ERBB4: variants seen among roughly 807,000 people sequenced by gnomAD.
ERBB4 encodes the protein erb-b2 receptor tyrosine kinase 4.
Under a neutral mutation model 158.0 loss-of-function variants are expected in ERBB4, and 42 were observed. That is an observed-to-expected ratio of 0.27 (90% confidence interval 0.21 to 0.34). The LOEUF is 0.34. Ranked by LOEUF, ERBB4 falls within the 10% of genes least tolerant of loss-of-function variation. ERBB4 has a pLI of 1.00. For synonymous variants in ERBB4, 583 were observed against 558.7 expected, an observed-to-expected ratio of 1.04 and a Z score of -0.61; for missense variants, 1,333 against 1,624.1, an observed-to-expected ratio of 0.82 and a Z score of 3.08.
intron 1 of ERBB4, among the ~76,000 whole-genome samples, chr2:212,416,078 G>A (rs546547075): frequency 6.6e-6 from 1 of 152,086 alleles, no homozygotes; most frequent in Admixed American, 6.6e-5. Flanking sequence ...CCATGAATGG[G>A]ACCATCAACA....
intron 2 of ERBB4, among the ~76,000 whole-genome samples, chr2:212,006,867 G>A (rs960824): frequency 0.61 from 92,611 of 151,822 alleles, 30,985 homozygotes; most frequent in East Asian, 0.93. Context: ...GATTTAAGCT[G>A]GACATCCCTT....
At chr2:211,426,304 T>C (rs147535946) in intron 22 of ERBB4, among the ~76,000 whole-genome samples, 130 of 152,302 alleles carry the variant, frequency 8.5e-4, no homozygotes, top group African/African-American at 3.0e-3. Flanking sequence ...TCCTTTATCT[T>C]AAGATGTATA....
At chr2:211,917,521 C>T (rs982983552) in intron 3 of ERBB4, among the ~76,000 whole-genome samples, 2 of 152,102 alleles carry the variant, frequency 1.3e-5, no homozygotes, top group Non-Finnish European at 2.9e-5. Context: ...GTTCAATGCC[C>T]AACAGTAAAT....
At chr2:212,024,990 A>G (rs1328115474) in intron 2 of ERBB4, among the ~76,000 whole-genome samples, 1 of 151,786 alleles carries the variant, frequency 6.6e-6, no homozygotes, top group African/African-American at 2.4e-5. Context: ...GGCTACCAGT[A>G]CCTCCTTTAA....
At chr2:211,870,580 C>A (rs1382231349) in intron 3 of ERBB4, among the ~76,000 whole-genome samples, 4 of 152,012 alleles carry the variant, frequency 2.6e-5, no homozygotes, top group Non-Finnish European at 4.4e-5. Context: ...TTCTAATAGA[C>A]CATAAATCAC....
At chr2:211,819,933 A>G (rs945505679) in intron 3 of ERBB4, among the ~76,000 whole-genome samples, 1 of 151,924 alleles carries the variant, frequency 6.6e-6, no homozygotes, top group Non-Finnish European at 1.5e-5. Context: ...TCCATGCATC[A>G]CACTTAAATA....
At chr2:211,574,044 T>C (rs535349012) in intron 19 of ERBB4, among the ~76,000 whole-genome samples, 14 of 152,326 alleles carry the variant, frequency 9.2e-5, no homozygotes, top group African/African-American at 2.6e-4. Context: ...CAGTGCCTAG[T>C]AGATACTTAA....
rs577885418 is a variant in ERBB4 at position 212,034,715 on chromosome 2, T to C, written c.235-87099A>G. Among the ~76,000 whole-genome samples, 512 of 152,272 alleles carry C rather than the reference T, an allele frequency of 3.4e-3. 2 individuals are homozygous for C. Among genetic ancestry groups the C allele is most frequent in the Non-Finnish European group, 5.7e-3 (389 of 67,988 alleles). ...CAAATGTTAGTTTCTTTTTTATCCA[T>C]ATAGTCAAGATTCTTTAGCCTTTTT... On this transcript the variant is annotated intron_variant, in intron 2 of 27. Transcript: ENST00000342788.
chr2:211,716,639 G>A (rs1178789323), intron 7 of ERBB4, among the ~76,000 whole-genome samples: 3 of 151,912 alleles, frequency 2.0e-5, no homozygotes, highest in Non-Finnish European at 4.4e-5. Flanking sequence ...TTGCGCCACT[G>A]CATTCCGGCC....
intron 3 of ERBB4, among the ~76,000 whole-genome samples, chr2:211,816,777 A>G (rs1232370979): frequency 6.6e-6 from 1 of 152,090 alleles, no homozygotes; most frequent in Non-Finnish European, 1.5e-5. Context: ...CTGAACAAAT[A>G]ATCAAAAAGT....
chr2:211,442,377 G>A (rs965045382), intron 20 of ERBB4, among the ~76,000 whole-genome samples: 6 of 115,802 alleles, frequency 5.2e-5, no homozygotes, highest in Non-Finnish European at 1.1e-4. Flanking sequence ...TTTATCTATA[G>A]ACAGGTATCT....
chr2:212,382,911 C>A lies in ERBB4; in HGVS notation c.82+155538G>T, dbSNP rs2090556292. 2.0e-5 allele frequency among the ~76,000 whole-genome samples: 3 copies of A among 151,132 alleles called. No homozygotes were observed. The Admixed American group carries it at 2.0e-4, about 10-fold the overall frequency. ...CATTCAGGACTTGGTATCTTACTTA[C>A]AATATTATAACCCTTTTAAATATTG... On this transcript the variant is annotated intron_variant, in intron 1 of 27. Transcript: ENST00000342788.
At chr2:211,964,209 A>G (rs1255245729) in intron 2 of ERBB4, among the ~76,000 whole-genome samples, 1 of 152,190 alleles carries the variant, frequency 6.6e-6, no homozygotes, top group Non-Finnish European at 1.5e-5. Flanking sequence ...CATTAACACA[A>G]GTGACATCAA....
intron 14 of ERBB4, among the ~76,000 whole-genome samples, chr2:211,670,273 G>C (rs1164321794): frequency 6.6e-6 from 1 of 152,154 alleles, no homozygotes; most frequent in East Asian, 1.9e-4. Flanking sequence ...CCAAACCATA[G>C]TGGGAGCAAT....
intron 14 of ERBB4, among the ~76,000 whole-genome samples, chr2:211,671,481 A>C (rs541475990): frequency 8.1e-4 from 123 of 152,320 alleles, no homozygotes; most frequent in Middle Eastern, 3.4e-3. Flanking sequence ...AGATATTTAT[A>C]GGAAATATCA....
At chr2:211,620,370 G>A (rs7591993) in intron 18 of ERBB4, among the ~76,000 whole-genome samples, 5,014 of 152,098 alleles carry the variant, frequency 0.033, 300 homozygotes, top group African/African-American at 0.11. Flanking sequence ...CTATCAGCTA[G>A]TTATAGTCAT....
chr2:211,628,871 G>A lies in ERBB4; in HGVS notation c.2079+1591C>T, dbSNP rs567456879. On this transcript the variant is annotated intron_variant, in intron 17 of 27. Transcript: ENST00000342788. ...TTTAATGATCGCCATTCTAACTGGT[G>A]TGAAATGGTATCTCATTGTGGTTTT... is the stretch of plus-strand genomic sequence containing the variant. 5.3e-5 allele frequency among the ~76,000 whole-genome samples: 8 copies of A among 152,148 alleles called. No individual in the cohort carries two copies. The South Asian group carries it at 1.2e-3, about 24-fold the overall frequency.
chr2:211,750,509 C>T, intron 5 of ERBB4, 130 bp downstream of exon 5: 1 of 805,868 alleles, frequency 1.2e-6, no homozygotes, highest in East Asian at 2.5e-5. Context: ...TTTTCTTGGC[C>T]CAAAGCAAAT....
At chr2:212,257,151 A>G (rs1323768117) in intron 1 of ERBB4, among the ~76,000 whole-genome samples, 1 of 152,152 alleles carries the variant, frequency 6.6e-6, no homozygotes, top group Admixed American at 6.6e-5. Context: ...AGGACATGCA[A>G]TATTTGAGAA....
Sources: gnomAD v4.1 joint callset for allele counts (sites outside exome capture counted in the v4.1 genomes callset) on GRCh38, gnomAD v4.1.1 for gene constraint, MANE v1.5 for transcripts, NCBI Gene and HGNC (gene_info 2026-07-23, HGNC 2026-07-21) for gene names.